SGCZ: variants seen among roughly 807,000 people sequenced by gnomAD.
SGCZ encodes the protein zeta-sarcoglycan.
A neutral mutation model predicts 41.3 loss-of-function variants in SGCZ; 40 were observed. The ratio of observed to expected loss-of-function variants is 0.97; its 90% confidence interval spans 0.75 to 1.26. The LOEUF (loss-of-function observed/expected upper bound fraction) is 1.26. SGCZ is among the 50% of genes most tolerant of loss of function. SGCZ has a pLI of 0.00. For synonymous variants in SGCZ, 206 were observed against 137.5 expected (o/e 1.50, Z -3.49); for missense variants, 552 against 369.8 (o/e 1.49, Z -4.04).
chr8:14,728,290 A>T (rs1427210125), intron 1 of SGCZ, among the ~76,000 whole-genome samples: 1 of 151,954 alleles, frequency 6.6e-6, no homozygotes, highest in African/African-American at 2.4e-5. Context: ...TAACCTTAAT[A>T]CATTTATTTA....
chr8:14,597,492 G>C (rs1805451135), intron 1 of SGCZ, among the ~76,000 whole-genome samples: 1 of 152,116 alleles, frequency 6.6e-6, no homozygotes, highest in African/African-American at 2.4e-5. Context: ...TTTTGAAATG[G>C]AGTTTCACTC....
chr8:15,047,069 C>T (rs1239317223), intron 1 of SGCZ, among the ~76,000 whole-genome samples: 2 of 151,948 alleles, frequency 1.3e-5, no homozygotes, highest in African/African-American at 4.8e-5. Flanking sequence ...AGTTCTAAGG[C>T]TTTGATGGAT....
intron 1 of SGCZ, among the ~76,000 whole-genome samples, chr8:14,598,142 C>T (rs956315644): frequency 6.6e-6 from 1 of 151,988 alleles, no homozygotes; most frequent in Non-Finnish European, 1.5e-5. Flanking sequence ...TTTCTTTACA[C>T]TTGGAAGAAG....
intron 3 of SGCZ, among the ~76,000 whole-genome samples, chr8:14,257,129 G>C (rs1237090723): frequency 2.6e-5 from 4 of 152,012 alleles, no homozygotes; most frequent in Non-Finnish European, 4.4e-5. Context: ...ACGACATTGA[G>C]ACCCACCTGG....
intron 1 of SGCZ, among the ~76,000 whole-genome samples, chr8:14,566,842 C>A (rs1585085859): frequency 1.3e-5 from 2 of 152,320 alleles, no homozygotes; most frequent in African/African-American, 4.8e-5. Context: ...CAGGCAGGAA[C>A]CGGGGCTGCA....
At chr8:14,226,485 A>G (rs983994859) in intron 4 of SGCZ, among the ~76,000 whole-genome samples, 1 of 152,104 alleles carries the variant, frequency 6.6e-6, no homozygotes, top group Non-Finnish European at 1.5e-5. Flanking sequence ...GCCATCATAC[A>G]GTATGTAAAC....
At chr8:14,882,780 T>C (rs6986308) in intron 1 of SGCZ, among the ~76,000 whole-genome samples, 3 of 152,108 alleles carry the variant, frequency 2.0e-5, no homozygotes, top group African/African-American at 7.2e-5. Flanking sequence ...GTCCACTCTG[T>C]CTTAGCTTTT....
intron 2 of SGCZ, among the ~76,000 whole-genome samples, chr8:14,416,748 C>A (rs528001711): frequency 1.3e-5 from 2 of 151,946 alleles, no homozygotes; most frequent in South Asian, 2.1e-4. Context: ...TGCTAGCTTG[C>A]AGATCTTATT....
intron 1 of SGCZ, among the ~76,000 whole-genome samples, chr8:15,111,621 G>T (rs1807058865): frequency 6.6e-6 from 1 of 152,154 alleles, no homozygotes; most frequent in African/African-American, 2.4e-5. Flanking sequence ...CTACATTTCG[G>T]CCGGGTGTGG....
At chr8:14,972,264 T>C (rs1801323526) in intron 1 of SGCZ, among the ~76,000 whole-genome samples, 1 of 145,544 alleles carries the variant, frequency 6.9e-6, no homozygotes, top group Non-Finnish European at 1.5e-5. Context: ...ATACCTGTTG[T>C]AATGTTTCCT....
chr8:14,383,819 C>G (rs1371470822), intron 2 of SGCZ, among the ~76,000 whole-genome samples: 2 of 152,106 alleles, frequency 1.3e-5, no homozygotes, highest in African/African-American at 4.8e-5. Context: ...CACTGAGGAC[C>G]TTCAAAACTC....
At chr8:14,227,500 A>T (rs1229415210) in intron 4 of SGCZ, among the ~76,000 whole-genome samples, 1 of 152,094 alleles carries the variant, frequency 6.6e-6, no homozygotes, top group African/African-American at 2.4e-5. Context: ...ACATAGAGGG[A>T]TCATATAGTA....
chr8:14,443,372 G>A (rs1334656519), intron 2 of SGCZ, among the ~76,000 whole-genome samples: 4 of 152,018 alleles, frequency 2.6e-5, no homozygotes, highest in South Asian at 2.1e-4. Flanking sequence ...AAGCCAAAAG[G>A]ACAAAGCTGG....
intron 1 of SGCZ, among the ~76,000 whole-genome samples, chr8:14,663,251 T>C (rs1389945767): frequency 6.6e-6 from 1 of 152,186 alleles, no homozygotes; most frequent in Non-Finnish European, 1.5e-5. Flanking sequence ...AATTTATTAG[T>C]TTCACAAAAA....
intron 1 of SGCZ, among the ~76,000 whole-genome samples, chr8:14,726,851 A>T (rs1052856328): frequency 6.6e-6 from 1 of 152,180 alleles, no homozygotes; most frequent in Non-Finnish European, 1.5e-5. Context: ...CCTGATGAAA[A>T]GAGGAAAAAC....
chr8:14,593,881 T>C (rs938806175), intron 1 of SGCZ, among the ~76,000 whole-genome samples: 15 of 152,124 alleles, frequency 9.9e-5, no homozygotes, highest in Middle Eastern at 3.4e-3. Flanking sequence ...CTTTTTAATA[T>C]ACAAATGGCT....
intron 1 of SGCZ, among the ~76,000 whole-genome samples, chr8:14,590,518 G>A (rs1192486087): frequency 6.6e-6 from 1 of 150,946 alleles, no homozygotes; most frequent in East Asian, 1.9e-4. Context: ...TTAAAATTAT[G>A]TTTTTTATTA....
chr8:14,718,132 T>A (rs1273976012), intron 1 of SGCZ, among the ~76,000 whole-genome samples: 7 of 151,780 alleles, frequency 4.6e-5, no homozygotes, highest in African/African-American at 1.7e-4. Flanking sequence ...ATACTTTTTT[T>A]ATATTATTGA....
intron 5 of SGCZ, among the ~76,000 whole-genome samples, chr8:14,136,917 A>C (rs1294232736): frequency 6.6e-6 from 1 of 152,184 alleles, no homozygotes; most frequent in African/African-American, 2.4e-5. Context: ...CTGACACCTC[A>C]TACAGCAGGT....
Sources: gnomAD v4.1 joint callset for allele counts (sites outside exome capture counted in the v4.1 genomes callset) on GRCh38, gnomAD v4.1.1 for gene constraint, MANE v1.5 for transcripts, NCBI Gene and HGNC (gene_info 2026-07-23, HGNC 2026-07-21) for gene names.